The following TRIP4 variants were observed in gnomAD, a reference collection of about 807,000 sequenced individuals.
TRIP4 encodes the protein activating signal cointegrator 1.
Under a neutral mutation model 81.8 loss-of-function variants are expected in TRIP4, and 54 were observed. That is an observed-to-expected ratio of 0.66 (90% CI 0.53 to 0.83). The LOEUF is 0.83. TRIP4 is among the 40% of genes least tolerant of loss of function. The pLI is 0.00. For missense variants in TRIP4, 662 were observed against 683.6 expected, an observed-to-expected ratio of 0.97 and a Z score of 0.35; for synonymous variants, 270 against 242.8, an observed-to-expected ratio of 1.11 and a Z score of -1.04.
intron 9 of TRIP4, among the ~76,000 whole-genome samples, chr15:64,420,231 C>T (rs1891981688): frequency 6.6e-6 from 1 of 151,162 alleles, no homozygotes; most frequent in South Asian, 2.1e-4. Flanking sequence ...AAGCCATTCT[C>T]CTGCCTCAGC....
intron 4 of TRIP4, among the ~76,000 whole-genome samples, chr15:64,398,536 C>G (rs1007659852): frequency 6.6e-6 from 1 of 151,964 alleles, no homozygotes; most frequent in Non-Finnish European, 1.5e-5. Context: ...TCACTTGATC[C>G]CAGGACGTCC....
chr15:64,413,523 C>G (rs755376820), intron 7 of TRIP4, among the ~76,000 whole-genome samples: 34 of 152,068 alleles, frequency 2.2e-4, no homozygotes, highest in Non-Finnish European at 7.4e-5. Flanking sequence ...TCTTGTTGAG[C>G]AGGTGAATGA....
chr15:64,390,889 C>T (rs865956287), intron 1 of TRIP4, among the ~76,000 whole-genome samples: 19 of 149,684 alleles, frequency 1.3e-4, no homozygotes, highest in South Asian at 2.1e-4. Flanking sequence ...AGCGAGACTC[C>T]GTCTCAAAAA....
chr15:64,388,045 A>T, intron 1 of TRIP4, 81 bp downstream of exon 1: 1 of 1,456,302 alleles, frequency 6.9e-7, no homozygotes, highest in South Asian at 1.4e-5. Context: ...GGGAGGACTG[A>T]AAAGTTAAGA....
intron 11 of TRIP4, among the ~76,000 whole-genome samples, chr15:64,426,275 C>T (rs1566980182): frequency 6.6e-6 from 1 of 151,946 alleles, no homozygotes; most frequent in African/African-American, 2.4e-5. Flanking sequence ...TCATGATAGG[C>T]AAATGTATTT....
intron 11 of TRIP4, among the ~76,000 whole-genome samples, chr15:64,436,377 A>T (rs1331892052): frequency 6.6e-6 from 1 of 151,774 alleles, no homozygotes; most frequent in Non-Finnish European, 1.5e-5. Context: ...GCAGATCACG[A>T]GGTCAGGAGT....
rs76552556 is a variant in TRIP4 at position 64,414,403 on chromosome 15, T to C, written c.1170+192T>C. Among the ~76,000 whole-genome samples, 3,928 of 152,236 alleles carry C rather than the reference T, an allele frequency of 0.026. 153 individuals carry two copies. Among genetic ancestry groups the C allele is most frequent in the African/African-American group, 0.091 (3,782 of 41,520 alleles). On this transcript the variant is annotated intron_variant, in intron 8 of 12. Transcript: ENST00000261884. ...TTTTCCATTTTTATTGCAGTACTTC[T>C]GACAAATTGACTTGTTTTATCTTCC...
chr15:64,454,893 T>C lies in TRIP4; in HGVS notation c.1679-104T>C, dbSNP rs913637832. On this transcript the variant is annotated intron_variant, in intron 12 of 12. Transcript: ENST00000261884. ...GTGTCTGAGTCCTGAAGTAAGATAA[T>C]TGAATGTGACAGGAACACAGTAACC... is the stretch of plus-strand genomic sequence containing the variant. 15 of 1,000,972 alleles carry C rather than the reference T, an allele frequency of 1.5e-5. No individual in the cohort carries two copies. The African/African-American group carries it at 2.1e-4, about 14-fold the overall frequency. The allele number at this position is 1,000,972 out of a possible 1,614,324, so 62.0% of individuals were successfully genotyped here. A position where few individuals can be genotyped will look rare whatever the true frequency, so the allele number is the denominator to read the frequency against.
At chr15:64,414,590 C>T (rs373870762) in intron 8 of TRIP4, among the ~76,000 whole-genome samples, 2 of 125,964 alleles carry the variant, frequency 1.6e-5, no homozygotes, top group Non-Finnish European at 1.6e-5. Flanking sequence ...GATCTCGGGT[C>T]ACTGCAACCT....
chr15:64,419,701 G>T (rs1891967831), intron 9 of TRIP4, among the ~76,000 whole-genome samples: 1 of 152,046 alleles, frequency 6.6e-6, no homozygotes, highest in South Asian at 2.1e-4. Context: ...GTTTTTCTTG[G>T]CTTTTATTAT....
intron 7 of TRIP4, among the ~76,000 whole-genome samples, chr15:64,411,326 G>A (rs1891756266): frequency 6.6e-6 from 1 of 152,144 alleles, no homozygotes. Flanking sequence ...ATAATGATGT[G>A]TCAATGTAGG....
chr15:64,434,402 G>GAAA (rs35606754), intron 11 of TRIP4, among the ~76,000 whole-genome samples: 10 of 138,046 alleles, frequency 7.2e-5, no homozygotes, highest in South Asian at 2.4e-4. Context: ...TCCGTCTCAA[G>GAAA]AAAAAAAAAA....
rs774498550 is a variant in TRIP4, at chr15:64,395,475, G to C, written c.349G>C (p.Ala117Pro). 14 of 1,613,734 alleles carry C rather than the reference G, an allele frequency of 8.7e-6. No individual in the cohort carries two copies. Among genetic ancestry groups the C allele is most frequent in the Middle Eastern group, 1.6e-4 (1 of 6,084 alleles). The change falls in exon 3 of 13, where the codon GCA becomes CCA. Residue 117 changes from alanine (A) to proline (P), a missense_variant. Physicochemically the swap from Ala to Pro is conservative, Grantham distance 27 (BLOSUM62 -1). Transcript: ENST00000261884. ...KKGRNRQEVP[A>P]FTEPDTTAEV... is the part of the protein sequence containing the mutation. ...AGGGAGAAACAGACAGGAAGTTCCT[G>C]CATTTACTGAACCTGACACGACTGC...
Position 64,394,094 on chromosome 15 carries a change from C to A in TRIP4, c.250C>A (p.Gln84Lys). 2 of 1,598,304 alleles carry A rather than the reference C, an allele frequency of 1.3e-6. No individual in the cohort carries two copies. The highest frequency in any genetic ancestry group is 1.1e-5 in the South Asian group (1 of 88,092). The change falls in exon 2 of 13, where the codon CAG becomes AAG. Residue 84 changes from glutamine (Q) to lysine (K), a missense_variant. Gln to Lys is a moderately conservative substitution (Grantham distance 53). Coordinates refer to ENST00000261884, the MANE Select transcript of TRIP4 (RefSeq NM_016213.5). ...NDQELISDPL[Q>K]QCFKKDEILD... ...TCAGGAGTTGATTTCGGATCCTTTGCAGCAGTGCTTCAAAAAAGATGGTAA... is the reference window on the plus strand; with the variant it reads ...TCAGGAGTTGATTTCGGATCCTTTGAAGCAGTGCTTCAAAAAAGATGGTAA...
At chr15:64,423,810 G>A (rs770757746) in intron 9 of TRIP4, among the ~76,000 whole-genome samples, 1 of 152,140 alleles carries the variant, frequency 6.6e-6, no homozygotes, top group East Asian at 1.9e-4. Context: ...ATGACTTGTC[G>A]CTATTCTGAT....
rs766841965 is a variant in TRIP4 at position 64,424,017 on chromosome 15, T to C, written c.1359-14T>C. The stretch of plus-strand genomic sequence containing the variant: ...GAATTTATATCCTTCCCACTAAATT[T>C]CTATTTGTTTAAGGGTGGAGGGCAG... On this transcript the variant is annotated splice_polypyrimidine_tract_variant and intron_variant, in intron 9 of 12. Transcript: ENST00000261884. 6.2e-7 allele frequency: 1 copy of C among 1,612,958 alleles called. No individual in the cohort carries two copies. The highest frequency in any genetic ancestry group is 1.1e-5 in the South Asian group (1 of 91,006).
chr15:64,416,041 G>A (rs1229489568), intron 8 of TRIP4, among the ~76,000 whole-genome samples: 1 of 152,100 alleles, frequency 6.6e-6, no homozygotes, highest in Non-Finnish European at 1.5e-5. Context: ...AAGCACTAGT[G>A]GAGCAGTAGA....
intron 4 of TRIP4, among the ~76,000 whole-genome samples, chr15:64,398,663 A>G (rs1166571061): frequency 6.6e-6 from 1 of 152,088 alleles, no homozygotes; most frequent in Non-Finnish European, 1.5e-5. Context: ...TGAGAGATCC[A>G]AGGGCTAGGA....
intron 11 of TRIP4, among the ~76,000 whole-genome samples, chr15:64,430,866 C>T (rs770381185): frequency 1.3e-4 from 20 of 152,082 alleles, no homozygotes; most frequent in Non-Finnish European, 1.8e-4. Context: ...CAATAATTGA[C>T]GGCAGTAGAC....
Sources: gnomAD v4.1 joint callset for allele counts (sites outside exome capture counted in the v4.1 genomes callset) on GRCh38, gnomAD v4.1.1 for gene constraint, MANE v1.5 for transcripts, NCBI Gene and HGNC (gene_info 2026-07-23, HGNC 2026-07-21) for gene names.